Variants in CARNMT1 observed in about 807,000 individuals in gnomAD.
CARNMT1 encodes carnosine N-methyltransferase 1.
CARNMT1 carries 28 observed loss-of-function variants against 49.6 expected under a neutral mutation model. The observed-to-expected ratio is 0.56, with a 90% CI of 0.42 to 0.77. The LOEUF (loss-of-function observed/expected upper bound fraction) is 0.77. Ranked by LOEUF, CARNMT1 falls within the 30% of genes least tolerant of loss-of-function variation. CARNMT1 has a pLI of 0.00. For missense variants in CARNMT1, 421 were observed against 512.6 expected, an observed-to-expected ratio of 0.82 and a Z score of 1.73; for synonymous variants, 178 against 175.0, an observed-to-expected ratio of 1.02 and a Z score of -0.13.
chr9:75,009,687 C>T (rs1361332847), intron 3 of CARNMT1: 1 of 152,100 alleles, frequency 6.6e-6, no homozygotes, highest in Non-Finnish European at 1.5e-5. Flanking sequence ...CCCTTCTCCC[C>T]ACCCCCCAGC....
intron 1 of CARNMT1, among the ~76,000 whole-genome samples, chr9:75,024,034 T>A (rs894800718): frequency 3.9e-5 from 6 of 152,092 alleles, no homozygotes; most frequent in Admixed American, 1.3e-4. Flanking sequence ...CCTCTAACTC[T>A]CTCTAGAAAC....
intron 6 of CARNMT1, among the ~76,000 whole-genome samples, chr9:74,992,211 G>C (rs1458747956): frequency 6.6e-6 from 1 of 151,880 alleles, no homozygotes; most frequent in Non-Finnish European, 1.5e-5. Flanking sequence ...GACAGAGGTT[G>C]CAGTGAGCCG....
intron 6 of CARNMT1, among the ~76,000 whole-genome samples, chr9:74,994,054 G>A (rs370938256): frequency 2.0e-5 from 3 of 152,190 alleles, no homozygotes; most frequent in East Asian, 3.8e-4. Context: ...TCGTAAGGGT[G>A]GGGTCCTCAT....
rs912856658 is a variant in CARNMT1, at chr9:74,991,139, GTTTT to G, written c.1024+5304_1024+5307del. The G allele has an allele frequency of 7.3e-5, 11 of 151,002 alleles. 1 individual carries two copies. In the East Asian group the frequency reaches 1.6e-3, roughly 21 times the overall value. 9.4% of individuals were successfully genotyped at this position (151,002 alleles called of 1,614,324 possible). A position where few individuals can be genotyped will look rare whatever the true frequency, so the allele number is the denominator to read the frequency against. On this transcript the variant is annotated intron_variant, in intron 6 of 7. Transcript: ENST00000376834. Reference sequence around the variant, plus strand: ...ACATCTGGAATTCAAACCTTGGTAAGTTTTTTTTTCTTTTTTTTTTTCCAGAGGG... The same window carrying G: ...ACATCTGGAATTCAAACCTTGGTAAGTTTTTCTTTTTTTTTTTCCAGAGGG...
chr9:75,005,873 C>CACAA (rs1491304654), intron 3 of CARNMT1, among the ~76,000 whole-genome samples: 3 of 132,230 alleles, frequency 2.3e-5, no homozygotes, highest in East Asian at 2.3e-4. Context: ...CACACACACA[C>CACAA]AATAAAAGGC....
At chr9:75,015,095 G>A (rs1358850693) in intron 3 of CARNMT1, among the ~76,000 whole-genome samples, 1 of 152,096 alleles carries the variant, frequency 6.6e-6, no homozygotes, top group Non-Finnish European at 1.5e-5. Context: ...GAGGTTAGGT[G>A]GATTAAATTC....
chr9:74,983,693 T>TA lies in CARNMT1; in HGVS notation c.*73dup, dbSNP rs753902994. On this transcript the variant is annotated 3_prime_UTR_variant, in exon 8 of 8. Transcript: ENST00000376834. Reference sequence around the variant, plus strand: ...TGAGGTTGTGTCCTGTCATCACTGATAGTTGATTTTGAGTCGTTGATTTCA... The same window carrying TA: ...TGAGGTTGTGTCCTGTCATCACTGATAAGTTGATTTTGAGTCGTTGATTTCA... 32 of 821,796 alleles carry TA rather than the reference T, an allele frequency of 3.9e-5. No homozygotes were observed. The highest frequency in any genetic ancestry group is 6.4e-5 in the Non-Finnish European group (32 of 502,468). The allele number at this position is 821,796 out of a possible 1,614,324, so 50.9% of individuals were successfully genotyped here.
intron 1 of CARNMT1, among the ~76,000 whole-genome samples, chr9:75,024,034 T>C (rs894800718): frequency 2.6e-5 from 4 of 152,092 alleles, no homozygotes; most frequent in African/African-American, 9.7e-5. Context: ...CCTCTAACTC[T>C]CTCTAGAAAC....
chr9:75,013,475 T>C (rs1479440797), intron 3 of CARNMT1, among the ~76,000 whole-genome samples: 4 of 152,152 alleles, frequency 2.6e-5, no homozygotes, highest in Non-Finnish European at 5.9e-5. Context: ...TTATGTATAA[T>C]TGCTAGATAC....
intron 1 of CARNMT1, among the ~76,000 whole-genome samples, chr9:75,024,386 T>C (rs1014714808): frequency 2.0e-5 from 3 of 152,232 alleles, no homozygotes; most frequent in African/African-American, 7.2e-5. Context: ...GCTTTGTGTC[T>C]ATCCACATCC....
intron 1 of CARNMT1, among the ~76,000 whole-genome samples, chr9:75,018,143 C>T (rs1564105726): frequency 6.6e-6 from 1 of 152,108 alleles, no homozygotes; most frequent in African/African-American, 2.4e-5. Context: ...CTCACTGCAA[C>T]CTCTGTCTCC....
intron 2 of CARNMT1, 94 bp from the exon 3 acceptor site, chr9:75,016,525 T>C: frequency 1.7e-6 from 2 of 1,177,628 alleles, no homozygotes; most frequent in Admixed American, 2.3e-5. Context: ...ATATAGGTGG[T>C]TTAGTGGATA....
At chr9:74,992,456 T>C (rs987483701) in intron 6 of CARNMT1, among the ~76,000 whole-genome samples, 1 of 152,154 alleles carries the variant, frequency 6.6e-6, no homozygotes, top group African/African-American at 2.4e-5. Context: ...ATGCCTGCCC[T>C]CCACTACCTG....
intron 1 of CARNMT1, among the ~76,000 whole-genome samples, chr9:75,018,687 T>C (rs1833918459): frequency 1.3e-5 from 2 of 152,152 alleles, no homozygotes; most frequent in African/African-American, 2.4e-5. Flanking sequence ...AAGAAACAGG[T>C]GGGCGCAGTG....
At chr9:75,024,560 T>C (rs1822469693) in intron 1 of CARNMT1, among the ~76,000 whole-genome samples, 1 of 152,236 alleles carries the variant, frequency 6.6e-6, no homozygotes, top group Non-Finnish European at 1.5e-5. Flanking sequence ...ACTAACATTT[T>C]TGCTATTCAA....
chr9:75,022,075 T>C (rs1822382768), intron 1 of CARNMT1, among the ~76,000 whole-genome samples: 1 of 152,122 alleles, frequency 6.6e-6, no homozygotes, highest in Non-Finnish European at 1.5e-5. Context: ...ATCAGTGACT[T>C]AGCTATTTCC....
intron 3 of CARNMT1, among the ~76,000 whole-genome samples, 192 bp from the exon 4 acceptor site, chr9:75,000,062 T>G (rs1430953739): frequency 1.3e-5 from 2 of 152,160 alleles, no homozygotes; most frequent in Non-Finnish European, 2.9e-5. Flanking sequence ...TGTTCCGATA[T>G]CAGATGAGGG....
chr9:74,990,506 T>C (rs1470090571), intron 6 of CARNMT1, among the ~76,000 whole-genome samples: 3 of 152,220 alleles, frequency 2.0e-5, no homozygotes, highest in Non-Finnish European at 4.4e-5. Flanking sequence ...GTTTAGTTTT[T>C]CTTAAGGCCC....
At chr9:75,003,606 A>G (rs1444341026) in intron 3 of CARNMT1, among the ~76,000 whole-genome samples, 1 of 152,270 alleles carries the variant, frequency 6.6e-6, no homozygotes, top group Non-Finnish European at 1.5e-5. Flanking sequence ...ACAGCAGTAC[A>G]CAGAGCTTCC....
Sources: gnomAD v4.1 joint callset for allele counts (sites outside exome capture counted in the v4.1 genomes callset) on GRCh38, gnomAD v4.1.1 for gene constraint, MANE v1.5 for transcripts, NCBI Gene and HGNC (gene_info 2026-07-23, HGNC 2026-07-21) for gene names.